Variants in BTNL3 observed in about 807,000 individuals in gnomAD.
BTNL3 encodes the protein butyrophilin like 3, also known as butyrophilin-like protein 3.
BTNL3 carries 20 observed loss-of-function variants against 40.1 expected under a neutral mutation model. The ratio of observed to expected loss-of-function variants is 0.50; its 90% CI spans 0.35 to 0.72. BTNL3 has a LOEUF of 0.72. BTNL3 is among the 30% of genes least tolerant of loss of function. The probability of loss-of-function intolerance (pLI) is 0.01; values close to 1 mark genes in which losing one functional copy is unlikely to be tolerated. For missense variants in BTNL3, 449 were observed against 582.2 expected (o/e 0.77, Z 2.35); for synonymous variants, 179 against 222.1 (o/e 0.81, Z 1.73).
chr5:180,988,985 T>C lies in BTNL3; in HGVS notation c.-44T>C. 3 of 1,432,290 alleles carry C rather than the reference T, an allele frequency of 2.1e-6. No homozygotes were observed. Among genetic ancestry groups the C allele is most frequent in the Non-Finnish European group, 2.9e-6 (3 of 1,042,344 alleles). 88.7% of individuals were successfully genotyped at this position (1,432,290 alleles called of 1,614,324 possible). ...CTCCAAATCATCCATCCACCCCTGC[T>C]GTCATCTGTTTTCATAGTGTGAGAT... On this transcript the variant is annotated 5_prime_UTR_variant, in exon 1 of 8. Transcript: ENST00000342868.
At chr5:180,991,661 G>A (rs149604557) in intron 1 of BTNL3, among the ~76,000 whole-genome samples, 2 of 136,936 alleles carry the variant, frequency 1.5e-5, no homozygotes, top group African/African-American at 5.0e-5. Flanking sequence ...GGGGAATCCT[G>A]TGCTGAGGGA....
At chr5:181,003,588 C>T (rs1480936250) in intron 4 of BTNL3, among the ~76,000 whole-genome samples, 9 of 142,896 alleles carry the variant, frequency 6.3e-5, no homozygotes, top group Non-Finnish European at 1.1e-4. Flanking sequence ...CCCGCCTCCC[C>T]TCCCAGCCGC....
intron 6 of BTNL3, 49 bp from the exon 7 acceptor site, chr5:181,004,687 T>C (rs772617373): frequency 6.2e-7 from 1 of 1,613,788 alleles, no homozygotes; most frequent in Non-Finnish European, 8.5e-7. Context: ...CCCTGCGCCC[T>C]GTTTCCCACG....
At chr5:180,999,408 C>A (rs1760076301) in intron 3 of BTNL3, among the ~76,000 whole-genome samples, 1 of 136,952 alleles carries the variant, frequency 7.3e-6, no homozygotes, top group African/African-American at 2.5e-5. Flanking sequence ...AACAAGAAGG[C>A]ACAACTAAAG....
rs927803612 is a variant in BTNL3, at chr5:180,998,902, G to A, written c.673+1414G>A. On this transcript the variant is annotated intron_variant, in intron 3 of 7. Transcript: ENST00000342868. The stretch of plus-strand genomic sequence containing the variant: ...AGCACTTTGGAAGGCCAAGACAGGC[G>A]GATCACCTGAGGTCAGGAGTTCAAG... Among the ~76,000 whole-genome samples, 59 of 136,878 alleles carry A rather than the reference G, an allele frequency of 4.3e-4. 7 individuals carry two copies. The highest frequency in any genetic ancestry group is 1.2e-3 in the African/African-American group (46 of 39,766). 89.8% of individuals were successfully genotyped at this position (136,878 alleles called of 152,430 possible).
intron 1 of BTNL3, 109 bp from the exon 2 acceptor site, chr5:180,992,704 G>C: frequency 7.9e-7 from 1 of 1,270,880 alleles, no homozygotes; most frequent in Non-Finnish European, 1.1e-6. Context: ...GGTTTAGAAA[G>C]AAGACTGATG....
Position 181,006,292 on chromosome 5 carries a change from G to A in BTNL3, c.*420G>A. The A allele has an allele frequency of 2.8e-6, 1 of 357,766 alleles. No individual in the cohort carries two copies. The highest frequency in any genetic ancestry group is 5.0e-6 in the Non-Finnish European group (1 of 201,094). The allele number at this position is 357,766 out of a possible 1,614,324, so 22.2% of individuals were successfully genotyped here. On this transcript the variant is annotated 3_prime_UTR_variant, in exon 8 of 8. Transcript: ENST00000342868. ...ATGTGAATCATGCTTGCAGGTTTGA[G>A]GGCACAGTGTTTGCTAATGATGTGT... is the stretch of plus-strand genomic sequence containing the variant.
rs2113090702 is a variant in BTNL3, at chr5:181,005,486, G to A, written c.1015G>A (p.Gly339Arg). 1.9e-6 allele frequency: 3 copies of A among 1,614,108 alleles called. No individual in the cohort carries two copies. Among genetic ancestry groups the A allele is most frequent in the Non-Finnish European group, 2.5e-6 (3 of 1,180,032 alleles). The change falls in exon 8 of 8, where the codon GGG (glycine) becomes AGG (arginine). Residue 339 changes from glycine to arginine, a missense_variant. Physicochemically the swap from Gly to Arg is moderately radical, Grantham distance 125. Around this residue, in one of 2 missense-constraint regions of BTNL3, gnomAD observed 323 missense variants for 464.9 expected, o/e 0.69. Coordinates refer to ENST00000342868, the MANE Select transcript of BTNL3 (RefSeq NM_197975.3). The stretch of plus-strand genomic sequence containing the variant: ...GGTGGCTTCTCAGGGTTTCCAAGCA[G>A]GGAAACATTACTGGGAGGTGGACGT... ...SVVASQGFQA[G>R]KHYWEVDVGQ...
intron 1 of BTNL3, among the ~76,000 whole-genome samples, chr5:180,990,626 A>G (rs73355210): frequency 0.011 from 1,452 of 137,854 alleles, 167 homozygotes; most frequent in African/African-American, 0.033. Context: ...ACAGACATAT[A>G]CTAAAAACTG....
intron 2 of BTNL3, 127 bp from the exon 3 acceptor site, chr5:180,997,086 G>A: frequency 1.6e-6 from 2 of 1,239,790 alleles, no homozygotes; most frequent in African/African-American, 1.4e-5. Flanking sequence ...GGATGTGTGT[G>A]TGTGAGAGAG....
In BTNL3 at chr5:180,997,586, A is replaced by G. The variant is rs766955984; in HGVS notation, c.673+98A>G. 8.0e-6 allele frequency: 11 copies of G among 1,380,010 alleles called. 3 individuals are homozygous for G. The highest frequency in any genetic ancestry group is 1.1e-5 in the Non-Finnish European group (11 of 1,005,812). 85.5% of individuals were successfully genotyped at this position (1,380,010 alleles called of 1,614,324 possible). ...CTGGGATTGTTGTGTAGTACCATCCAGCTTCAATGATTTGTTTTGAGAGTC... is the reference window on the plus strand; with the variant it reads ...CTGGGATTGTTGTGTAGTACCATCCGGCTTCAATGATTTGTTTTGAGAGTC... On this transcript the variant is annotated intron_variant, in intron 3 of 7. Coordinates refer to ENST00000342868, the MANE Select transcript of BTNL3 (RefSeq NM_197975.3).
Position 181,005,884 on chromosome 5 carries a change from C to A in BTNL3, c.*12C>A, listed in dbSNP as rs903915391. The A allele has an allele frequency of 5.7e-6, 9 of 1,576,726 alleles. No individual in the cohort carries two copies. Among genetic ancestry groups the A allele is most frequent in the Non-Finnish European group, 6.9e-6 (8 of 1,162,038 alleles). ...TGTCCTGGGGATGAGACAGAGAAGACCCTGCTTAAAGGGCCCCACACCACA... is the reference window on the plus strand; with the variant it reads ...TGTCCTGGGGATGAGACAGAGAAGAACCTGCTTAAAGGGCCCCACACCACA... On this transcript the variant is annotated 3_prime_UTR_variant, in exon 8 of 8. Coordinates refer to ENST00000342868, the MANE Select transcript of BTNL3 (RefSeq NM_197975.3).
chr5:181,002,936 C>T (rs1490835716), intron 4 of BTNL3, among the ~76,000 whole-genome samples, 151 bp downstream of exon 4: 1 of 136,490 alleles, frequency 7.3e-6, no homozygotes, highest in African/African-American at 2.5e-5. Flanking sequence ...CAGTCTTCAG[C>T]CTCCTCTGTG....
Position 181,005,859 on chromosome 5 carries a change from T to G in BTNL3, c.1388T>G (p.Val463Gly), listed in dbSNP as rs1175936729. 6.2e-7 allele frequency: 1 copy of G among 1,604,330 alleles called. No homozygotes were observed. Among genetic ancestry groups the G allele is most frequent in the Non-Finnish European group, 8.5e-7 (1 of 1,175,092 alleles). ...GGGACTCCCATATTCATATGTCCAGTGTCCTGGGGATGAGACAGAGAAGAC... is the reference window on the plus strand; with the variant it reads ...GGGACTCCCATATTCATATGTCCAGGGTCCTGGGGATGAGACAGAGAAGAC... The part of the protein sequence containing the change: ...EKGTPIFICP[V>G]SWG Residue 463 changes from valine to glycine, a missense_variant, in exon 8 of 8, where the codon GTG becomes GGG. Val to Gly is a moderately radical substitution (Grantham distance 109, BLOSUM62 -3). Transcript: ENST00000342868.
Position 181,005,452 on chromosome 5 carries a change from G to A in BTNL3, c.981G>A (p.Arg327=). The change falls in exon 8 of 8, where the codon AGG becomes AGA. Residue 327 remains arginine (R), a synonymous_variant. Transcript: ENST00000342868. ...EVPHSEKRFT[R]KSVVASQGFQ... ...CTCACTCTGAGAAGAGATTTACAAG[G>A]AAGAGTGTGGTGGCTTCTCAGGGTT... 6.2e-7 allele frequency: 1 copy of A among 1,614,146 alleles called. No homozygotes were observed. Among genetic ancestry groups the A allele is most frequent in the Non-Finnish European group, 8.5e-7 (1 of 1,180,034 alleles).
At chr5:181,003,914 C>T in intron 5 of BTNL3, 38 bp downstream of exon 5, 2 of 1,613,958 alleles carry the variant, frequency 1.2e-6, no homozygotes, top group African/African-American at 1.3e-5. Flanking sequence ...ACATGGTTCT[C>T]CCGGGTCCCT....
At chr5:181,003,161 T>A (rs910714954) in intron 4 of BTNL3, among the ~76,000 whole-genome samples, 1 of 135,012 alleles carries the variant, frequency 7.4e-6, no homozygotes, top group Non-Finnish European at 1.7e-5. Context: ...TGTAAGACCA[T>A]CCTGGGCAAC....
rs1417146447 is a variant in BTNL3 at position 181,005,990 on chromosome 5, C to T, written c.*118C>T. On this transcript the variant is annotated 3_prime_UTR_variant, in exon 8 of 8. Transcript: ENST00000342868. ...CGGAGCCTGCGCACAGAGAGTCACG[C>T]CCCCCACTCTCCTTTAGGGAGCTGA... is the stretch of plus-strand genomic sequence containing the variant. 5 of 1,146,438 alleles carry T rather than the reference C, an allele frequency of 4.4e-6. No individual in the cohort carries two copies. In the East Asian group the frequency reaches 7.8e-5, roughly 18 times the overall value. The allele number at this position is 1,146,438 out of a possible 1,614,324, so 71.0% of individuals were successfully genotyped here.
chr5:180,990,064 G>C lies in BTNL3; in HGVS notation c.49+987G>C, dbSNP rs1053852097. Among the ~76,000 whole-genome samples the C allele has an allele frequency of 1.6e-4, 22 of 136,704 alleles. 3 individuals are homozygous for C. Among genetic ancestry groups the C allele is most frequent in the South Asian group, 8.7e-4 (4 of 4,582 alleles). The allele number at this position is 136,704 out of a possible 152,430, so 89.7% of individuals were successfully genotyped here. On this transcript the variant is annotated intron_variant, in intron 1 of 7. Transcript: ENST00000342868. ...AGTCCCAGCTACTCGGGAGGCTGAG[G>C]CACGAGAATCACTTAAACCCAGGAG...
Sources: gnomAD v4.1 joint callset for allele counts (sites outside exome capture counted in the v4.1 genomes callset) on GRCh38, gnomAD v4.1.1 for gene constraint, gnomAD v4.1.1 regional missense constraint, MANE v1.5 for transcripts, NCBI Gene and HGNC (gene_info 2026-07-23, HGNC 2026-07-21) for gene names.